Variants in TYMP observed in about 807,000 individuals in gnomAD.
TYMP encodes the protein gliostatin.
A neutral mutation model predicts 42.3 loss-of-function variants in TYMP; 46 were observed. The observed-to-expected ratio is 1.09, with a 90% CI of 0.86 to 1.39. The LOEUF is 1.39. TYMP is among the 40% of genes most tolerant of loss of function. TYMP has a pLI of 0.00. For synonymous variants in TYMP, 363 were observed against 308.0 expected (o/e 1.18, Z -1.87); for missense variants, 837 against 677.6 (o/e 1.24, Z -2.61).
Position 50,526,143 on chromosome 22 carries a change from T to A in TYMP, c.1160-2A>T. On this transcript the variant is annotated splice_acceptor_variant, in intron 8 of 9. Transcript: ENST00000252029. LOFTEE classifies it high-confidence loss of function. ...GCGCCCGGACCAGCTCCACGGTGCC[T>A]GCGGGGAGAGGGGCTGAGAGGCGCG... 1 of 1,483,080 alleles carries A rather than the reference T, an allele frequency of 6.7e-7. No homozygotes were observed. Among genetic ancestry groups the A allele is most frequent in the Non-Finnish European group, 8.9e-7 (1 of 1,123,216 alleles). The allele number at this position is 1,483,080 out of a possible 1,614,324, so 91.9% of individuals were successfully genotyped here.
rs1022322270 is a variant in TYMP, at chr22:50,528,586, G to C, written c.442C>G (p.Leu148Val). ...CKVPMISGRG[L>V]GHTGGTLDKL... Reference sequence around the variant, plus strand: ...TCCAAGGTGCCTCCTGTGTGCCCCAGACCACGTCCGCTGATCATTGGCACC... The same window carrying C: ...TCCAAGGTGCCTCCTGTGTGCCCCACACCACGTCCGCTGATCATTGGCACC... The change falls in exon 4 of 10, where the codon CTG becomes GTG. Residue 148 changes from leucine to valine, a missense_variant. By Grantham distance (32) the Leu-to-Val change is conservative (BLOSUM62 1). Transcript: ENST00000252029. The C allele has an allele frequency of 6.2e-7, 1 of 1,613,808 alleles. No individual in the cohort carries two copies. Among genetic ancestry groups the C allele is most frequent in the Non-Finnish European group, 8.5e-7 (1 of 1,179,964 alleles).
In TYMP at chr22:50,529,237, C is replaced by G. The variant is rs201513101; in HGVS notation, c.316G>C (p.Glu106Gln). The change falls in exon 3 of 10, where the codon GAG (glutamate) becomes CAG (glutamine). Residue 106 changes from glutamate to glutamine, a missense_variant. By Grantham distance (29) the Glu-to-Gln change is conservative. Transcript: ENST00000252029. ...AQSGQQLEWP[E>Q]AWRQQLVDKH... is the part of the protein sequence containing the mutation. Reference sequence around the variant, plus strand: ...TCCACAAGCTGCTGGCGCCAGGCCTCTGGCCACTCCAGCTGCTGTCCCGAC... The same window carrying G: ...TCCACAAGCTGCTGGCGCCAGGCCTGTGGCCACTCCAGCTGCTGTCCCGAC... 2.3e-5 allele frequency: 37 copies of G among 1,613,270 alleles called. No homozygotes were observed. In the East Asian group the frequency reaches 7.4e-4, roughly 32 times the overall value.
intron 8 of TYMP, 22 bp downstream of exon 8, chr22:50,526,224 C>T (rs752587696): frequency 6.6e-7 from 1 of 1,516,114 alleles, no homozygotes; most frequent in Non-Finnish European, 8.8e-7. Context: ...GGCGGAAGGA[C>T]GGGGACTCCC....
Position 50,529,355 on chromosome 22 carries a change from C to A in TYMP, c.215-17G>T. Reference sequence around the variant, plus strand: ...GCATGGCCCCTGGTATGTGGGGGTACGCGTGAGGGTGGCAGCCCACAGCGG... The same window carrying A: ...GCATGGCCCCTGGTATGTGGGGGTAAGCGTGAGGGTGGCAGCCCACAGCGG... On this transcript the variant is annotated splice_polypyrimidine_tract_variant and intron_variant, in intron 2 of 9. Coordinates refer to ENST00000252029, the MANE Select transcript of TYMP (RefSeq NM_001953.5). 1 of 1,612,534 alleles carries A rather than the reference C, an allele frequency of 6.2e-7. No homozygotes were observed. The highest frequency in any genetic ancestry group is 8.5e-7 in the Non-Finnish European group (1 of 1,179,608).
rs1180285291 is a variant in TYMP at position 50,526,477 on chromosome 22, C to T, written c.929-1G>A. ...CCGCTGAGCCAGAGCAGGGCGCCCC[C>T]TGCGGGCGGGGACGGGTCTTAGGCG... On this transcript the variant is annotated splice_acceptor_variant, in intron 7 of 9. Coordinates refer to ENST00000252029, the MANE Select transcript of TYMP (RefSeq NM_001953.5). LOFTEE classifies it high-confidence loss of function. 3 of 1,491,610 alleles carry T rather than the reference C, an allele frequency of 2.0e-6. No homozygotes were observed. The highest frequency in any genetic ancestry group is 2.9e-5 in the African/African-American group (2 of 69,072). 92.4% of individuals were successfully genotyped at this position (1,491,610 alleles called of 1,614,324 possible).
intron 4 of TYMP, 38 bp downstream of exon 4, chr22:50,528,474 T>A: frequency 1.3e-6 from 2 of 1,562,008 alleles, no homozygotes; most frequent in Non-Finnish European, 8.8e-7. Context: ...GTCTCCATCA[T>A]CAACCTGGAT....
At chr22:50,527,039 C>A in intron 6 of TYMP, 126 bp downstream of exon 6, 2 of 837,066 alleles carry the variant, frequency 2.4e-6, no homozygotes, top group Non-Finnish European at 2.0e-6. Flanking sequence ...GGACTTCGGG[C>A]AGAAGAGGGT....
In TYMP at chr22:50,529,292, C is replaced by G. The variant is rs749827433; in HGVS notation, c.261G>C (p.Glu87Asp). 6.2e-7 allele frequency: 1 copy of G among 1,613,432 alleles called. No individual in the cohort carries two copies. Among genetic ancestry groups the G allele is most frequent in the South Asian group, 1.1e-5 (1 of 91,086 alleles). The change falls in exon 3 of 10, where the codon GAG (glutamate) becomes GAC (aspartate). Residue 87 changes from glutamate to aspartate, a missense_variant. By Grantham distance (45) the Glu-to-Asp change is conservative (BLOSUM62 2). Transcript: ENST00000252029. ...AIRLRGMDLE[E>D]TSVLTQALAQ... Reference sequence around the variant, plus strand: ...CCAGGGCCTGGGTCAGCACCGAGGTCTCCTCCAGATCCATGCCCCGAAGTC... The same window carrying G: ...CCAGGGCCTGGGTCAGCACCGAGGTGTCCTCCAGATCCATGCCCCGAAGTC...
intron 4 of TYMP, chr22:50,528,235 G>T: frequency 2.0e-6 from 1 of 503,666 alleles, no homozygotes; most frequent in South Asian, 2.0e-5. Flanking sequence ...GAACTCCTGG[G>T]TTCAAGGGAT....
chr22:50,528,085 C>T (rs776434166), intron 4 of TYMP: 7 of 392,054 alleles, frequency 1.8e-5, no homozygotes, highest in Non-Finnish European at 2.4e-5. Context: ...CGTCCCGGCT[C>T]ACTGCAGCCT....
intron 6 of TYMP, 98 bp from the exon 7 acceptor site, chr22:50,526,836 C>T (rs946496380): frequency 3.6e-5 from 46 of 1,287,078 alleles, no homozygotes; most frequent in African/African-American, 5.9e-5. Context: ...GGGTTGCCAG[C>T]CCCCCAGCAT....
chr22:50,526,535 C>T, intron 7 of TYMP, 41 bp downstream of exon 7: 2 of 1,539,570 alleles, frequency 1.3e-6, no homozygotes, highest in Non-Finnish European at 8.7e-7. Context: ...GCGGGAAGCA[C>T]CCCCCGCCGC....
rs868431586 is a variant in TYMP, at chr22:50,529,834, C to T, written c.-11+70G>A. 4.7e-5 allele frequency: 42 copies of T among 902,980 alleles called. No homozygotes were observed. The African/African-American group carries it at 6.3e-4, about 14-fold the overall frequency. The allele number at this position is 902,980 out of a possible 1,614,324, so 55.9% of individuals were successfully genotyped here. A position where few individuals can be genotyped will look rare whatever the true frequency, so the allele number is the denominator to read the frequency against. ...CTCTCCGGTGTCCGCCCCTCGGTCC[C>T]GTGTCTGTGTCGCCCTCGTCCGTGT... On this transcript the variant is annotated intron_variant, in intron 1 of 9. Transcript: ENST00000252029.
In TYMP at chr22:50,529,181, C is replaced by G. The variant is rs1466150223; in HGVS notation, c.372G>C (p.Lys124Asn). 2.5e-6 allele frequency: 4 copies of G among 1,613,210 alleles called. No individual in the cohort carries two copies. Among genetic ancestry groups the G allele is most frequent in the Admixed American group, 3.3e-5 (2 of 60,002 alleles). ...GGGCAGGTGCGAGGACCAGGCTGAC[C>G]TTGTCACCCACACCCCCTGTGGAAT... ...DKHSTGGVGD[K>N]VSLVLAPALA... The change falls in exon 3 of 10, where the codon AAG (lysine) becomes AAC (asparagine). Residue 124 changes from lysine to asparagine, a missense_variant. Lys to Asn is a moderately conservative substitution (Grantham distance 94, BLOSUM62 0). Coordinates refer to ENST00000252029, the MANE Select transcript of TYMP (RefSeq NM_001953.5).
chr22:50,528,343 C>T (rs1419984505), intron 4 of TYMP, 169 bp downstream of exon 4: 5 of 701,690 alleles, frequency 7.1e-6, no homozygotes, highest in Non-Finnish European at 1.0e-5. Context: ...ATTTTATGAT[C>T]CTAATCAAAG....
intron 3 of TYMP, 31 bp downstream of exon 3, chr22:50,529,105 G>C (rs766702233): frequency 1.2e-6 from 2 of 1,610,134 alleles, no homozygotes; most frequent in Non-Finnish European, 1.7e-6. Flanking sequence ...TGCGGTATAG[G>C]CTCCCGTCTG....
At position 50,530,001 on chromosome 22, in the gene TYMP, C is replaced by G; in HGVS notation, c.-108G>C. ...GACCGTAGGGTTCAGGGTTCGCGCA[C>G]AGCGGTCCACTGCCGGCGGCGGGGC... On this transcript the variant is annotated 5_prime_UTR_variant, in exon 1 of 10. Coordinates refer to ENST00000252029, the MANE Select transcript of TYMP (RefSeq NM_001953.5). 1 of 417,024 alleles carries G rather than the reference C, an allele frequency of 2.4e-6. No homozygotes were observed. Among genetic ancestry groups the G allele is most frequent in the Non-Finnish European group, 4.3e-6 (1 of 233,134 alleles). 25.8% of individuals were successfully genotyped at this position (417,024 alleles called of 1,614,324 possible).
intron 5 of TYMP, 91 bp downstream of exon 5, chr22:50,527,497 T>C: frequency 6.3e-7 from 1 of 1,597,148 alleles, no homozygotes; most frequent in Non-Finnish European, 8.6e-7. Context: ...CACGGTCAGG[T>C]GACGGGTAAC....
chr22:50,528,106 G>A (rs1358202393), intron 4 of TYMP: 1 of 390,028 alleles, frequency 2.6e-6, no homozygotes, highest in Non-Finnish European at 4.9e-6. Flanking sequence ...AGACCTCCCA[G>A]GCTCAAGTGA....
Sources: gnomAD v4.1 joint callset for allele counts on GRCh38, gnomAD v4.1.1 for gene constraint, MANE v1.5 for transcripts, NCBI Gene and HGNC (gene_info 2026-07-23, HGNC 2026-07-21) for gene names.